Variants in ERBIN observed in about 807,000 individuals in gnomAD.
ERBIN encodes densin-180-like protein.
Under a neutral mutation model 158.4 loss-of-function variants are expected in ERBIN, and 60 were observed. That is an observed-to-expected ratio of 0.38 (90% CI 0.31 to 0.47). ERBIN has a LOEUF of 0.47. Among genes scored for constraint, ERBIN ranks in the 20% least tolerant of loss-of-function variants. The pLI, the probability that ERBIN is intolerant of heterozygous loss-of-function variation, is 0.99. For synonymous variants in ERBIN, 594 were observed against 557.2 expected (o/e 1.07, Z -0.93); for missense variants, 1,610 against 1,648.0 (o/e 0.98, Z 0.40).
intron 1 of ERBIN, among the ~76,000 whole-genome samples, chr5:65,943,391 T>G (rs1745310931): frequency 1.3e-5 from 2 of 152,242 alleles, no homozygotes; most frequent in East Asian, 3.8e-4. Flanking sequence ...TGGAAGCAGA[T>G]TTTTAAAGTT....
chr5:65,977,317 G>C (rs1318489699), intron 1 of ERBIN, among the ~76,000 whole-genome samples: 3 of 151,168 alleles, frequency 2.0e-5, no homozygotes, highest in Non-Finnish European at 4.4e-5. Flanking sequence ...CCTCCCTCCC[G>C]GACGAGGTGG....
chr5:66,010,134 GTCCTTAGTCTTCCTCTCATTACT>G (rs1754052977), intron 4 of ERBIN, among the ~76,000 whole-genome samples: 1 of 152,016 alleles, frequency 6.6e-6, no homozygotes, highest in Non-Finnish European at 1.5e-5. Context: ...GGTCTCGTGG[GTCCTTAGTCTTCCTCTCATTACT>G]TCCTTAGTCT....
intron 1 of ERBIN, among the ~76,000 whole-genome samples, chr5:65,977,336 C>CGGAGATG (rs1750061242): frequency 6.6e-6 from 1 of 151,264 alleles, no homozygotes; most frequent in South Asian, 2.1e-4. Flanking sequence ...GGCTGCCGGG[C>CGGAGATG]GGAGATGCTC....
At position 66,026,380 on chromosome 5, in the gene ERBIN, A is replaced by G; in HGVS notation, c.1099A>G (p.Met367Val). 6.2e-7 allele frequency: 1 copy of G among 1,601,242 alleles called. No homozygotes were observed. Among genetic ancestry groups the G allele is most frequent in the Non-Finnish European group, 8.5e-7 (1 of 1,173,948 alleles). Residue 367 changes from methionine to valine, a missense_variant, in exon 13 of 26, where the codon ATG (methionine) becomes GTG (valine). Transcript: ENST00000284037. ...LETLPEEMGDMQKLKVINLSD... is the reference protein window; with the variant it reads ...LETLPEEMGDVQKLKVINLSD... The stretch of plus-strand genomic sequence containing the variant: ...GACACTTCCAGAGGAAATGGGTGAT[A>G]TGCAAAAATTAAAAGTCATTAATTT...
chr5:65,933,983 C>A (rs1359936397), intron 1 of ERBIN, among the ~76,000 whole-genome samples: 1 of 152,098 alleles, frequency 6.6e-6, no homozygotes, highest in South Asian at 2.1e-4. Context: ...GCAAGCTCCA[C>A]CTCCTGGATT....
At chr5:65,954,038 C>T (rs554519837) in intron 1 of ERBIN, among the ~76,000 whole-genome samples, 4 of 152,244 alleles carry the variant, frequency 2.6e-5, no homozygotes, top group Admixed American at 6.5e-5. Context: ...ACCCGCTACC[C>T]CTTTTAAAAC....
chr5:66,026,328 G>A lies in ERBIN; in HGVS notation c.1047G>A (p.Val349=). The change falls in exon 13 of 26, where the codon GTG becomes GTA. Residue 349 remains valine, a synonymous_variant. Transcript: ENST00000284037. ...TTGGAAGCTGGAAAAATATAACTGT[G>A]CTGTTTCTCCATTCCAATAAACTTG... is the stretch of plus-strand genomic sequence containing the variant. ...PEIGSWKNIT[V]LFLHSNKLET... The A allele has an allele frequency of 6.3e-7, 1 of 1,591,676 alleles. No individual in the cohort carries two copies. The highest frequency in any genetic ancestry group is 2.3e-5 in the East Asian group (1 of 43,196).
chr5:66,044,332 A>G, intron 17 of ERBIN, 22 bp downstream of exon 17: 4 of 1,565,590 alleles, frequency 2.6e-6, no homozygotes, highest in Non-Finnish European at 3.4e-6. Context: ...CAAAAGGATT[A>G]ACCAAAGCCT....
chr5:65,996,756 T>C (rs2151061830), intron 4 of ERBIN, among the ~76,000 whole-genome samples: 1 of 152,314 alleles, frequency 6.6e-6, no homozygotes, highest in East Asian at 1.9e-4. Flanking sequence ...TTGAAGTCCG[T>C]GAACACAGGA....
intron 18 of ERBIN, 78 bp from the exon 19 acceptor site, chr5:66,048,589 A>T: frequency 1.3e-6 from 1 of 786,440 alleles, no homozygotes; most frequent in Non-Finnish European, 2.1e-6. Context: ...TTTTCCCTTT[A>T]AAGTCTTATG....
At chr5:65,972,443 T>C (rs1438620447) in intron 1 of ERBIN, among the ~76,000 whole-genome samples, 7 of 151,366 alleles carry the variant, frequency 4.6e-5, no homozygotes, top group South Asian at 4.1e-4. Context: ...TAAAGTACTT[T>C]AGAGAGATGG....
At chr5:66,070,556 T>C (rs1761436313) in intron 21 of ERBIN, among the ~76,000 whole-genome samples, 1 of 152,184 alleles carries the variant, frequency 6.6e-6, no homozygotes, top group South Asian at 2.1e-4. Context: ...ATACATTGAA[T>C]TTTACTTCTA....
chr5:65,949,516 C>T (rs1431660900), intron 1 of ERBIN, among the ~76,000 whole-genome samples: 5 of 152,326 alleles, frequency 3.3e-5, no homozygotes, highest in African/African-American at 9.6e-5. Flanking sequence ...TGCTGTCAGA[C>T]GTAATTCCTC....
intron 1 of ERBIN, among the ~76,000 whole-genome samples, chr5:65,953,551 C>T (rs1018452137): frequency 5.3e-5 from 8 of 152,012 alleles, no homozygotes; most frequent in East Asian, 3.9e-4. Flanking sequence ...CTACAGTGGT[C>T]GTCCAAGTCA....
intron 1 of ERBIN, among the ~76,000 whole-genome samples, chr5:65,931,819 C>CTTTT (rs36048820): frequency 3.0e-5 from 4 of 131,938 alleles, no homozygotes; most frequent in Non-Finnish European, 4.8e-5. Flanking sequence ...TCTTTTCTTT[C>CTTTT]TTTTTTTTTT....
At chr5:66,046,155 C>T (rs1349498405) in intron 17 of ERBIN, among the ~76,000 whole-genome samples, 198 bp from the exon 18 acceptor site, 3 of 152,140 alleles carry the variant, frequency 2.0e-5, no homozygotes, top group Admixed American at 6.5e-5. Flanking sequence ...TAATGTGGCT[C>T]ATGGATCTTT....
intron 7 of ERBIN, among the ~76,000 whole-genome samples, chr5:66,018,634 TTTTA>T (rs1382072715): frequency 1.0e-5 from 1 of 100,044 alleles, no homozygotes; most frequent in Non-Finnish European, 1.9e-5. Flanking sequence ...ATAGATTTTT[TTTTA>T]TTTATTTTTT....
chr5:65,974,051 A>G (rs1749581185), intron 1 of ERBIN, among the ~76,000 whole-genome samples: 1 of 151,208 alleles, frequency 6.6e-6, no homozygotes, highest in Admixed American at 6.6e-5. Flanking sequence ...CCTGGGCAAC[A>G]TAGCGAAACT....
At chr5:66,026,176 A>G in intron 12 of ERBIN, 126 bp from the exon 13 acceptor site, 1 of 697,214 alleles carries the variant, frequency 1.4e-6, no homozygotes, top group Non-Finnish European at 2.2e-6. Context: ...ATTAAAAAGA[A>G]AGTCTAGTCA....
Sources: gnomAD v4.1 joint callset for allele counts (sites outside exome capture counted in the v4.1 genomes callset) on GRCh38, gnomAD v4.1.1 for gene constraint, MANE v1.5 for transcripts, NCBI Gene and HGNC (gene_info 2026-07-23, HGNC 2026-07-21) for gene names.